Variants in PDHX observed in about 807,000 individuals in gnomAD.
PDHX encodes pyruvate dehydrogenase protein X component, mitochondrial.
PDHX carries 33 observed loss-of-function variants against 55.3 expected under a neutral mutation model. That is an observed-to-expected ratio of 0.60 (90% CI 0.45 to 0.80). PDHX has a LOEUF of 0.80. Ranked by LOEUF, PDHX falls within the 30% of genes least tolerant of loss-of-function variation. The probability of loss-of-function intolerance (pLI) is 0.00; values close to 1 mark genes in which losing one functional copy is unlikely to be tolerated. For missense variants in PDHX, 622 were observed against 619.9 expected (o/e 1.00, Z -0.04); for synonymous variants, 226 against 219.4 (o/e 1.03, Z -0.27).
chr11:34,976,467 C>T (rs11032960), intron 7 of PDHX, among the ~76,000 whole-genome samples: 15,347 of 152,092 alleles, frequency 0.1, 1,621 homozygotes, highest in African/African-American at 0.27. Flanking sequence ...TGCTTGTAAG[C>T]GATGCAAGTA....
intron 7 of PDHX, among the ~76,000 whole-genome samples, chr11:34,971,863 T>C (rs1355380700): frequency 1.3e-5 from 2 of 152,172 alleles, no homozygotes; most frequent in Non-Finnish European, 2.9e-5. Context: ...TTTAATTGTT[T>C]AGTAGAATTC....
At chr11:34,951,044 CCTGA>C (rs1163120864) in intron 3 of PDHX, among the ~76,000 whole-genome samples, 1 of 146,422 alleles carries the variant, frequency 6.8e-6, no homozygotes, top group East Asian at 2.0e-4. Context: ...CCTTTTGTTT[CCTGA>C]CTTTTTTTTT....
chr11:34,932,434 T>G (rs1854200375), intron 2 of PDHX, among the ~76,000 whole-genome samples: 1 of 152,118 alleles, frequency 6.6e-6, no homozygotes, highest in African/African-American at 2.4e-5. Context: ...CATGAACAGA[T>G]AGTTTACAGA....
At position 34,995,848 on chromosome 11, in the gene PDHX, T is replaced by C. The variant is rs1055503769; in HGVS notation, c.*676T>C. On this transcript the variant is annotated 3_prime_UTR_variant, in exon 11 of 11. Transcript: ENST00000227868. The stretch of plus-strand genomic sequence containing the variant: ...ATAAAAGAAGCATGAATGAAAAGAA[T>C]GACATTTCAAAAAAATGGTTCAATG... 2.0e-5 allele frequency: 3 copies of C among 152,426 alleles called. No individual in the cohort carries two copies. Among genetic ancestry groups the C allele is most frequent in the Non-Finnish European group, 2.9e-5 (2 of 67,988 alleles). The allele number at this position is 152,426 out of a possible 1,614,324, so 9.4% of individuals were successfully genotyped here. A position where few individuals can be genotyped will look rare whatever the true frequency, so the allele number is the denominator to read the frequency against.
intron 7 of PDHX, among the ~76,000 whole-genome samples, chr11:34,973,556 C>G (rs1447583825): frequency 6.6e-6 from 1 of 151,628 alleles, no homozygotes; most frequent in Non-Finnish European, 1.5e-5. Flanking sequence ...TCTTTTTTCT[C>G]TTCTTACCTG....
chr11:34,948,558 G>T (rs1854679521), intron 3 of PDHX, among the ~76,000 whole-genome samples: 1 of 139,564 alleles, frequency 7.2e-6, no homozygotes, highest in South Asian at 2.3e-4. Flanking sequence ...TTTCTTTCTA[G>T]AAAATCCTCT....
chr11:34,917,124 C>A (rs1853739378), intron 1 of PDHX, among the ~76,000 whole-genome samples: 1 of 152,166 alleles, frequency 6.6e-6, no homozygotes, highest in African/African-American at 2.4e-5. Flanking sequence ...AGCCCCCTTT[C>A]CAATCAAGGC....
chr11:34,983,610 A>G lies in PDHX; in HGVS notation c.1024-960A>G, dbSNP rs570428611. Reference sequence around the variant, plus strand: ...ACACAATCAATGTGCAAAAATCACAATCATTCTTATACACCAATAACAGAC... The same window carrying G: ...ACACAATCAATGTGCAAAAATCACAGTCATTCTTATACACCAATAACAGAC... On this transcript the variant is annotated intron_variant, in intron 8 of 10. Coordinates refer to ENST00000227868, the MANE Select transcript of PDHX (RefSeq NM_003477.3). Among the ~76,000 whole-genome samples the G allele has an allele frequency of 8.2e-4, 123 of 150,830 alleles. 1 individual carries two copies. The highest frequency in any genetic ancestry group is 3.0e-3 in the African/African-American group (119 of 40,116).
At chr11:34,928,148 G>A (rs561255192) in intron 1 of PDHX, among the ~76,000 whole-genome samples, 110 of 152,114 alleles carry the variant, frequency 7.2e-4, no homozygotes, top group Non-Finnish European at 1.3e-3. Flanking sequence ...GAATTGTGTC[G>A]TGACAACTGG....
chr11:34,993,678 G>T (rs1564936302), intron 10 of PDHX, among the ~76,000 whole-genome samples: 1 of 151,982 alleles, frequency 6.6e-6, no homozygotes, highest in African/African-American at 2.4e-5. Flanking sequence ...CTTGATAGCT[G>T]GTAATGAAGT....
At chr11:34,991,716 C>T (rs958478711) in intron 9 of PDHX, among the ~76,000 whole-genome samples, 1 of 151,826 alleles carries the variant, frequency 6.6e-6, no homozygotes, top group Admixed American at 6.6e-5. Context: ...GGAGACCAGC[C>T]TGACCAACAT....
intron 1 of PDHX, among the ~76,000 whole-genome samples, chr11:34,925,432 C>A (rs1199439627): frequency 6.6e-6 from 1 of 152,190 alleles, no homozygotes. Flanking sequence ...TATCTATTTA[C>A]TTTTCTGCTT....
chr11:34,955,719 T>C (rs1854891445), intron 3 of PDHX, among the ~76,000 whole-genome samples: 2 of 152,200 alleles, frequency 1.3e-5, no homozygotes, highest in African/African-American at 4.8e-5. Flanking sequence ...TGATTTACAG[T>C]AAATGAAACA....
At chr11:34,954,929 T>C (rs1290368920) in intron 3 of PDHX, among the ~76,000 whole-genome samples, 1 of 152,178 alleles carries the variant, frequency 6.6e-6, no homozygotes, top group East Asian at 1.9e-4. Flanking sequence ...GGAGCCAGCG[T>C]TGAAACTCAG....
At chr11:34,935,099 GAGGTAAA>G (rs1033633944) in intron 2 of PDHX, among the ~76,000 whole-genome samples, 1 of 151,952 alleles carries the variant, frequency 6.6e-6, no homozygotes, top group African/African-American at 2.4e-5. Context: ...TTGTATAAGT[GAGGTAAA>G]AGGTATATGT....
intron 3 of PDHX, among the ~76,000 whole-genome samples, chr11:34,948,308 T>C (rs76549855): frequency 0.045 from 6,906 of 152,270 alleles, 239 homozygotes; most frequent in Non-Finnish European, 0.069. Flanking sequence ...TAATAATTTG[T>C]ATTGGTTGGT....
At chr11:34,993,778 C>T in intron 10 of PDHX, among the ~76,000 whole-genome samples, 1 of 152,140 alleles carries the variant, frequency 6.6e-6, no homozygotes, top group East Asian at 1.9e-4. Flanking sequence ...TTCACACACA[C>T]ACCCCTTGCT....
intron 6 of PDHX, among the ~76,000 whole-genome samples, chr11:34,969,937 T>C (rs543337847): frequency 8.5e-5 from 13 of 152,350 alleles, no homozygotes; most frequent in Admixed American, 4.6e-4. Flanking sequence ...TGTAGTTATA[T>C]GCTATAAAAC....
At chr11:34,945,027 T>C (rs958233053) in intron 2 of PDHX, among the ~76,000 whole-genome samples, 3 of 152,184 alleles carry the variant, frequency 2.0e-5, no homozygotes, top group Non-Finnish European at 4.4e-5. Context: ...GTTTTTCTAA[T>C]GCTGTAGATT....
Sources: allele counts gnomAD v4.1 joint callset (sites outside exome capture counted in the v4.1 genomes callset), GRCh38; gene constraint gnomAD v4.1.1; transcripts MANE v1.5; gene names NCBI Gene and HGNC (gene_info 2026-07-23, HGNC 2026-07-21).